The following ZBTB7C variants were observed in gnomAD, a reference collection of about 807,000 sequenced individuals.
ZBTB7C encodes the protein zinc finger and BTB domain containing 7C, also known as zinc finger and BTB domain-containing protein 7C.
In ZBTB7C, 8 loss-of-function variants were observed where a neutral mutation model predicts 25.7. That is an observed-to-expected ratio of 0.31 (90% confidence interval 0.18 to 0.56). ZBTB7C has a LOEUF of 0.56. ZBTB7C is among the 20% of genes least tolerant of loss of function. The pLI is 0.91. For synonymous variants in ZBTB7C, 394 were observed against 369.0 expected (o/e 1.07, Z -0.78); for missense variants, 824 against 855.2 (o/e 0.96, Z 0.46).
chr18:48,089,792 TAAAC>T (rs56268317), intron 3 of ZBTB7C, among the ~76,000 whole-genome samples: 31,150 of 147,482 alleles, frequency 0.21, 3,298 homozygotes, highest in Admixed American at 0.27. Flanking sequence ...ATAGAAAGCC[TAAAC>T]AAACAAACAA....
At chr18:48,282,557 A>G (rs912445140) in intron 2 of ZBTB7C, among the ~76,000 whole-genome samples, 1 of 152,238 alleles carries the variant, frequency 6.6e-6, no homozygotes, top group African/African-American at 2.4e-5. Context: ...GGAGACAGGT[A>G]CAAGAATGTA....
intron 3 of ZBTB7C, among the ~76,000 whole-genome samples, chr18:48,173,273 A>C (rs1157171933): frequency 1.3e-5 from 2 of 152,230 alleles, no homozygotes; most frequent in African/African-American, 4.8e-5. Flanking sequence ...CCCCACGCCA[A>C]CTGAAAAGGT....
chr18:48,171,487 C>T (rs2041478862), intron 3 of ZBTB7C, among the ~76,000 whole-genome samples: 1 of 152,254 alleles, frequency 6.6e-6, no homozygotes, highest in Non-Finnish European at 1.5e-5. Context: ...GAGCTGATCT[C>T]AGCAACTATG....
chr18:48,335,416 C>T (rs1156779704), intron 2 of ZBTB7C, among the ~76,000 whole-genome samples: 1 of 152,162 alleles, frequency 6.6e-6, no homozygotes, highest in East Asian at 1.9e-4. Flanking sequence ...CCTTCAGGAA[C>T]CGCCTGAAGG....
chr18:48,031,584 T>C (rs920141493), intron 4 of ZBTB7C, among the ~76,000 whole-genome samples: 2 of 152,196 alleles, frequency 1.3e-5, no homozygotes, highest in African/African-American at 4.8e-5. Flanking sequence ...TAAGGATGCA[T>C]TCGAACCATA....
chr18:48,290,438 T>C (rs1296108530), intron 2 of ZBTB7C, among the ~76,000 whole-genome samples: 1 of 152,222 alleles, frequency 6.6e-6, no homozygotes, highest in Non-Finnish European at 1.5e-5. Flanking sequence ...GTGAAGAGGT[T>C]TGCAGCCTTC....
chr18:48,138,216 A>G (rs538975268), intron 3 of ZBTB7C, among the ~76,000 whole-genome samples: 26 of 152,356 alleles, frequency 1.7e-4, no homozygotes, highest in African/African-American at 6.3e-4. Flanking sequence ...CCAGAAGTAA[A>G]TCTCAAAGGT....
chr18:48,145,835 C>T (rs12968885), intron 3 of ZBTB7C, among the ~76,000 whole-genome samples: 4,890 of 152,292 alleles, frequency 0.032, 92 homozygotes, highest in Non-Finnish European at 0.038. Flanking sequence ...AAATCTTTTA[C>T]AAGACTGCTA....
chr18:48,141,113 A>T (rs555895722), intron 3 of ZBTB7C, among the ~76,000 whole-genome samples: 2 of 146,468 alleles, frequency 1.4e-5, no homozygotes, highest in South Asian at 4.5e-4. Context: ...TGCACCCCAT[A>T]CTGCAATCAC....
At chr18:48,278,746 C>A (rs1323262971) in intron 2 of ZBTB7C, among the ~76,000 whole-genome samples, 1 of 152,146 alleles carries the variant, frequency 6.6e-6, no homozygotes, top group Admixed American at 6.5e-5. Flanking sequence ...CAAATTCTGA[C>A]CTATATGATC....
intron 3 of ZBTB7C, chr18:48,083,899 C>A: frequency 4.1e-6 from 4 of 985,360 alleles, no homozygotes; most frequent in Non-Finnish European, 4.8e-6. Context: ...TCAGTGGACC[C>A]ATTTGGTGAA....
At chr18:48,177,508 T>C (rs116930727) in intron 3 of ZBTB7C, among the ~76,000 whole-genome samples, 4,816 of 152,296 alleles carry the variant, frequency 0.032, 111 homozygotes, top group Non-Finnish European at 0.048. Flanking sequence ...GCCATCATTC[T>C]TGTGTTCCTG....
At chr18:48,079,753 AG>A in intron 3 of ZBTB7C, among the ~76,000 whole-genome samples, 1 of 152,238 alleles carries the variant, frequency 6.6e-6, no homozygotes, top group Non-Finnish European at 1.5e-5. Flanking sequence ...TGGCTCTTGC[AG>A]TTCTGCCATT....
intron 3 of ZBTB7C, among the ~76,000 whole-genome samples, chr18:48,075,795 G>A (rs186753890): frequency 1.4e-4 from 22 of 152,280 alleles, no homozygotes; most frequent in African/African-American, 5.3e-4. Flanking sequence ...AGCCTTCAGA[G>A]GCCCCACCTG....
chr18:48,278,022 A>G (rs1353492908), intron 2 of ZBTB7C, among the ~76,000 whole-genome samples: 1 of 152,108 alleles, frequency 6.6e-6, no homozygotes, highest in African/African-American at 2.4e-5. Flanking sequence ...TTCCTGTGAT[A>G]GACTATTTCC....
chr18:48,103,365 A>G (rs1010987589), intron 3 of ZBTB7C, among the ~76,000 whole-genome samples: 1 of 152,088 alleles, frequency 6.6e-6, no homozygotes, highest in African/African-American at 2.4e-5. Flanking sequence ...AGGCTTAGGG[A>G]CAAGTTACTA....
chr18:48,118,039 T>C (rs1474089404), intron 3 of ZBTB7C, among the ~76,000 whole-genome samples: 1 of 146,746 alleles, frequency 6.8e-6, no homozygotes, highest in Non-Finnish European at 1.5e-5. Context: ...AGAGTCTCAC[T>C]CGGTTGCCCG....
intron 3 of ZBTB7C, among the ~76,000 whole-genome samples, chr18:48,094,127 T>C (rs1406285626): frequency 1.3e-5 from 2 of 152,214 alleles, no homozygotes; most frequent in Non-Finnish European, 2.9e-5. Context: ...CTAATTTAAA[T>C]GGCCATTGCA....
At chr18:48,179,794 CCCTT>C (rs898022362) in intron 3 of ZBTB7C, among the ~76,000 whole-genome samples, 7 of 71,178 alleles carry the variant, frequency 9.8e-5, no homozygotes, top group Admixed American at 7.0e-4. Context: ...CTCCCTCCCT[CCCTT>C]CCTTCCTTAT....
Sources: gnomAD v4.1 joint callset for allele counts (sites outside exome capture counted in the v4.1 genomes callset) on GRCh38, gnomAD v4.1.1 for gene constraint, MANE v1.5 for transcripts, NCBI Gene and HGNC (gene_info 2026-07-23, HGNC 2026-07-21) for gene names.